Variants in USP34 observed in about 807,000 individuals in gnomAD.
USP34 encodes the protein ubiquitin specific peptidase 34.
USP34 carries 70 observed loss-of-function variants against 460.3 expected under a neutral mutation model. That is an observed-to-expected ratio of 0.15 (90% CI 0.13 to 0.19). The LOEUF is 0.19. Among genes scored for constraint, USP34 ranks in the 10% least tolerant of loss-of-function variants. The probability of loss-of-function intolerance (pLI) is 1.00; values close to 1 mark genes in which losing one functional copy is unlikely to be tolerated. For missense variants in USP34, 3,985 were observed against 4,236.2 expected (o/e 0.94, Z 1.65); for synonymous variants, 1,647 against 1,405.3 (o/e 1.17, Z -3.85).
chr2:61,349,612 G>A (rs78160107), intron 12 of USP34, among the ~76,000 whole-genome samples: 3,246 of 152,178 alleles, frequency 0.021, 49 homozygotes, highest in East Asian at 0.031. Flanking sequence ...AGGCCAAGGC[G>A]GATGGATGAC....
intron 12 of USP34, among the ~76,000 whole-genome samples, 171 bp downstream of exon 12, chr2:61,350,089 G>C (rs566787644): frequency 1.3e-5 from 2 of 151,840 alleles, no homozygotes; most frequent in African/African-American, 4.8e-5. Context: ...TCACTTAAAA[G>C]GTAAACCAAA....
chr2:61,388,349 G>C lies in USP34; in HGVS notation c.754-5013C>G, dbSNP rs1293214375. ...ATATGCAACTAGGGGAACTCTCACA[G>C]ACCTGACAGAAGTATAAATTAATAC... On this transcript the variant is annotated intron_variant, in intron 5 of 79. Coordinates refer to ENST00000398571, the MANE Select transcript of USP34 (RefSeq NM_014709.4). Among the ~76,000 whole-genome samples the C allele has an allele frequency of 9.3e-5, 14 of 151,296 alleles. No homozygotes were observed. In the Admixed American group the frequency reaches 9.3e-4, roughly 10 times the overall value.
At position 61,348,799 on chromosome 2, in the gene USP34, A is replaced by G. The variant is rs1691849963; in HGVS notation, c.1631T>C (p.Ile544Thr). The change falls in exon 14 of 80, where the codon ATT becomes ACT. Residue 544 changes from isoleucine to threonine, a missense_variant. By Grantham distance (89) the Ile-to-Thr change is moderately conservative. Coordinates refer to ENST00000398571, the MANE Select transcript of USP34 (RefSeq NM_014709.4). ...TTGTTGCACATGTTTGGTTCTATTA[A>G]TAAGTTGCTCATCCATTTCAATGTC... Reference protein sequence around the residue: ...GSDIEMDEQLINRTKHVQQRL... With the variant: ...GSDIEMDEQLTNRTKHVQQRL... The G allele has an allele frequency of 2.5e-6, 4 of 1,613,886 alleles. No homozygotes were observed. Among genetic ancestry groups the G allele is most frequent in the Non-Finnish European group, 2.5e-6 (3 of 1,179,894 alleles).
At chr2:61,377,749 T>TA (rs760407796) in intron 8 of USP34, among the ~76,000 whole-genome samples, 26 of 152,328 alleles carry the variant, frequency 1.7e-4, no homozygotes, top group Middle Eastern at 3.4e-3. Context: ...AGTACTTTGT[T>TA]ACAGCAGCCT....
chr2:61,324,678 G>A (rs894471641), intron 21 of USP34, among the ~76,000 whole-genome samples: 7 of 152,060 alleles, frequency 4.6e-5, no homozygotes, highest in African/African-American at 1.2e-4. Context: ...GCTAAGGTGG[G>A]ATGACTGCTT....
rs559509968 is a variant in USP34 at position 61,341,983 on chromosome 2, G to C, written c.2500+1832C>G. On this transcript the variant is annotated intron_variant, in intron 16 of 79. Transcript: ENST00000398571. ...TCACCATGTTGGCCAGGCTGGCCTC[G>C]AGATGCTGACCTCAGATGATCCACC... is the stretch of plus-strand genomic sequence containing the variant. Among the ~76,000 whole-genome samples the C allele has an allele frequency of 1.4e-4, 21 of 151,824 alleles. 2 individuals carry two copies. The highest frequency in any genetic ancestry group is 5.8e-4 in the East Asian group (3 of 5,156).
rs1687538599 is a variant in USP34 at position 61,220,777 on chromosome 2, G to T, written c.7900-320C>A. Reference sequence around the variant, plus strand: ...TTAAAAGTATTTTTATTTCTCTAAGGTTTCTCATCTTTACTTTTCTGATTA... The same window carrying T: ...TTAAAAGTATTTTTATTTCTCTAAGTTTTCTCATCTTTACTTTTCTGATTA... On this transcript the variant is annotated intron_variant, in intron 66 of 79. Transcript: ENST00000398571. Among the ~76,000 whole-genome samples the T allele has an allele frequency of 2.0e-5, 3 of 152,098 alleles. No individual in the cohort carries two copies. In the South Asian group the frequency reaches 6.2e-4, roughly 32 times the overall value.
intron 1 of USP34, among the ~76,000 whole-genome samples, chr2:61,430,662 T>C (rs1694644063): frequency 6.6e-6 from 1 of 152,200 alleles, no homozygotes; most frequent in Non-Finnish European, 1.5e-5. Context: ...TCAGCAATTC[T>C]AATAGGTCTC....
intron 28 of USP34, 69 bp downstream of exon 28, chr2:61,301,285 C>T: frequency 6.5e-7 from 1 of 1,545,170 alleles, no homozygotes; most frequent in Non-Finnish European, 8.8e-7. Flanking sequence ...TTTTAAACTA[C>T]ATCTGCGACT....
At chr2:61,316,766 T>C (rs1690763219) in intron 23 of USP34, among the ~76,000 whole-genome samples, 2 of 149,224 alleles carry the variant, frequency 1.3e-5, no homozygotes, top group African/African-American at 2.5e-5. Context: ...ACCCCTGTAA[T>C]CCCAGATACT....
intron 1 of USP34, among the ~76,000 whole-genome samples, chr2:61,443,148 G>A (rs72815544): frequency 0.055 from 8,347 of 152,152 alleles, 313 homozygotes; most frequent in South Asian, 0.11. Flanking sequence ...CAGGGGAAAG[G>A]GAAGAATAGG....
chr2:61,274,679 T>C (rs767546800), intron 41 of USP34, among the ~76,000 whole-genome samples: 6 of 152,186 alleles, frequency 3.9e-5, no homozygotes, highest in Non-Finnish European at 8.8e-5. Flanking sequence ...ATCAGACTGG[T>C]AGAAATTATC....
At chr2:61,424,915 C>T (rs544263100) in intron 1 of USP34, among the ~76,000 whole-genome samples, 28 of 152,062 alleles carry the variant, frequency 1.8e-4, no homozygotes, top group Non-Finnish European at 2.5e-4. Context: ...CTGCAACCTC[C>T]GCCTCCCAGG....
In USP34 at chr2:61,316,099, G is replaced by C. The variant is rs371317104; in HGVS notation, c.3283-1125C>G. On this transcript the variant is annotated intron_variant, in intron 23 of 79. Coordinates refer to ENST00000398571, the MANE Select transcript of USP34 (RefSeq NM_014709.4). The stretch of plus-strand genomic sequence containing the variant: ...CATGCGCCTATAATCCCAGCTACTC[G>C]GGAGGTTGAAGCAAGAGAATTGGTT... 2.0e-5 allele frequency among the ~76,000 whole-genome samples: 3 copies of C among 151,704 alleles called. No individual in the cohort carries two copies. In the East Asian group the frequency reaches 5.9e-4, roughly 30 times the overall value.
At chr2:61,327,448 CA>C (rs1405926530) in intron 20 of USP34, among the ~76,000 whole-genome samples, 1 of 152,062 alleles carries the variant, frequency 6.6e-6, no homozygotes, top group Non-Finnish European at 1.5e-5. Flanking sequence ...AGTTAAACAA[CA>C]AGGGATTTTG....
At chr2:61,217,009 G>A (rs1687424177) in intron 67 of USP34, among the ~76,000 whole-genome samples, 1 of 150,704 alleles carries the variant, frequency 6.6e-6, no homozygotes, top group East Asian at 2.0e-4. Flanking sequence ...ACATAAGGTT[G>A]GAAAAGCTCT....
intron 10 of USP34, among the ~76,000 whole-genome samples, chr2:61,359,943 C>G (rs1171035024): frequency 2.0e-5 from 3 of 151,894 alleles, no homozygotes; most frequent in Admixed American, 2.0e-4. Context: ...CACCACCACA[C>G]CAGGCTAATT....
At chr2:61,269,323 ATTTTT>A (rs397869885) in intron 41 of USP34, among the ~76,000 whole-genome samples, 6 of 135,020 alleles carry the variant, frequency 4.4e-5, no homozygotes, top group Non-Finnish European at 7.8e-5. Flanking sequence ...ACCTTGGCTA[ATTTTT>A]TTTTTTTTTT....
intron 2 of USP34, among the ~76,000 whole-genome samples, chr2:61,414,617 T>C (rs1694142226): frequency 1.3e-5 from 2 of 152,140 alleles, no homozygotes; most frequent in Non-Finnish European, 2.9e-5. Flanking sequence ...CTTGGCGCTT[T>C]GAACAAAGAA....
Sources: gnomAD v4.1 joint callset for allele counts (sites outside exome capture counted in the v4.1 genomes callset) on GRCh38, gnomAD v4.1.1 for gene constraint, MANE v1.5 for transcripts, NCBI Gene and HGNC (gene_info 2026-07-23, HGNC 2026-07-21) for gene names.